CHMP3: variants seen among roughly 807,000 people sequenced by gnomAD.
CHMP3 encodes 25.1 protein.
Under a neutral mutation model 27.4 loss-of-function variants are expected in CHMP3, and 8 were observed. That is an observed-to-expected ratio of 0.29 (90% CI 0.17 to 0.53). The LOEUF is 0.53. CHMP3 is among the 20% of genes least tolerant of loss of function. The pLI is 0.96. For missense variants in CHMP3, 208 were observed against 271.5 expected (o/e 0.77, Z 1.64); for synonymous variants, 86 against 85.5 (o/e 1.01, Z -0.03).
intron 1 of CHMP3, among the ~76,000 whole-genome samples, chr2:86,553,094 T>A (rs1676974426): frequency 6.6e-6 from 1 of 151,486 alleles, no homozygotes; most frequent in South Asian, 2.1e-4. Context: ...ATACTGGGCT[T>A]AATACCTAGG....
intron 2 of CHMP3, among the ~76,000 whole-genome samples, chr2:86,529,994 C>CT (rs999808959): frequency 3.9e-4 from 58 of 149,168 alleles, no homozygotes; most frequent in East Asian, 1.4e-3. Flanking sequence ...ACCCCGAACT[C>CT]TTTTTTTTTT....
At position 86,544,920 on chromosome 2, in the gene CHMP3, G is replaced by A. The variant is rs560373637; in HGVS notation, c.46-2608C>T. On this transcript the variant is annotated intron_variant, in intron 1 of 5. Transcript: ENST00000263856. ...CAGAGGCGCTCCTCACTTCCCAGAC[G>A]GGGCAGCCGGGCAGAGACGCTCACT... Among the ~76,000 whole-genome samples, 6 of 147,800 alleles carry A rather than the reference G, an allele frequency of 4.1e-5. No individual in the cohort carries two copies. In the East Asian group the frequency reaches 1.0e-3, roughly 25 times the overall value.
intron 2 of CHMP3, among the ~76,000 whole-genome samples, chr2:86,535,255 CAAAA>C (rs574431905): frequency 6.5e-5 from 4 of 61,650 alleles, no homozygotes. Context: ...ACCCTATCTC[CAAAA>C]AAAAAAAAAA....
intron 3 of CHMP3, among the ~76,000 whole-genome samples, chr2:86,520,376 CAG>C (rs371645454): frequency 1.3e-3 from 188 of 148,208 alleles, no homozygotes; most frequent in Non-Finnish European, 1.3e-3. Flanking sequence ...CGGCAGGAGA[CAG>C]AGAGAGAGAG....
rs776583530 is a variant in CHMP3 at position 86,563,379 on chromosome 2, CTT to C, written c.-33_-32del. The C allele has an allele frequency of 2.5e-6, 4 of 1,610,858 alleles. No homozygotes were observed. The East Asian group carries it at 8.9e-5, about 36-fold the overall frequency. ...ACTGAACCCGTCTTGCCCCTTCCGG[CTT>C]TCAGTTCCCCGCGCCCAGGCAGGTC... On this transcript the variant is annotated 5_prime_UTR_variant, in exon 1 of 6. Transcript: ENST00000263856.
intron 1 of CHMP3, among the ~76,000 whole-genome samples, chr2:86,544,857 G>A (rs1490645142): frequency 1.2e-4 from 18 of 152,218 alleles, no homozygotes; most frequent in Admixed American, 6.5e-4. Flanking sequence ...CTGTCTCTTC[G>A]GAGCTGTTGG....
At position 86,507,606 on chromosome 2, in the gene CHMP3, A is replaced by AAT. The variant is rs1674936829; in HGVS notation, c.409-15_409-14dup. 6.2e-7 allele frequency: 1 copy of AAT among 1,609,340 alleles called. No homozygotes were observed. Among genetic ancestry groups the AAT allele is most frequent in the Non-Finnish European group, 8.5e-7 (1 of 1,175,738 alleles). On this transcript the variant is annotated splice_polypyrimidine_tract_variant and intron_variant, in intron 4 of 5. Coordinates refer to ENST00000263856, the MANE Select transcript of CHMP3 (RefSeq NM_016079.4). Reference sequence around the variant, plus strand: ...CTATGATCCCAGCCTAAACAGAATAAATATGTCACTTCGGTCAACTGTTAA... The same window carrying AAT: ...CTATGATCCCAGCCTAAACAGAATAAATATATGTCACTTCGGTCAACTGTTAA...
chr2:86,514,799 TTTAATTAAAATG>T (rs1387896722), intron 3 of CHMP3, among the ~76,000 whole-genome samples: 2 of 152,194 alleles, frequency 1.3e-5, no homozygotes, highest in East Asian at 1.9e-4. Flanking sequence ...TCGTTATATA[TTTAATTAAAATG>T]TTAATTAAAA....
At chr2:86,533,562 G>A (rs1676007057) in intron 2 of CHMP3, among the ~76,000 whole-genome samples, 1 of 151,976 alleles carries the variant, frequency 6.6e-6, no homozygotes, top group African/African-American at 2.4e-5. Context: ...GGAGTGCAAG[G>A]TTGGTCACCA....
At chr2:86,552,313 G>C (rs1165541379) in intron 1 of CHMP3, among the ~76,000 whole-genome samples, 3 of 152,166 alleles carry the variant, frequency 2.0e-5, no homozygotes, top group Admixed American at 2.0e-4. Flanking sequence ...ATTAAATAAA[G>C]AGCATTAAGC....
intron 5 of CHMP3, 24 bp from the exon 6 acceptor site, chr2:86,505,973 A>C (rs776153400): frequency 6.5e-7 from 1 of 1,530,562 alleles, no homozygotes; most frequent in Non-Finnish European, 8.8e-7. Context: ...GCAAAGATGA[A>C]CACCACATTG....
intron 4 of CHMP3, among the ~76,000 whole-genome samples, chr2:86,508,188 T>C (rs1335992758): frequency 6.6e-6 from 1 of 152,154 alleles, no homozygotes; most frequent in African/African-American, 2.4e-5. Flanking sequence ...ACTTCTGGAC[T>C]CAACAAGGTA....
At chr2:86,541,562 CTCTG>C (rs1460551097) in intron 2 of CHMP3, among the ~76,000 whole-genome samples, 1 of 152,108 alleles carries the variant, frequency 6.6e-6, no homozygotes, top group Non-Finnish European at 1.5e-5. Flanking sequence ...TATTAAGACT[CTCTG>C]TCTTTGTTTC....
At chr2:86,540,109 G>A (rs1211882587) in intron 2 of CHMP3, among the ~76,000 whole-genome samples, 3 of 151,740 alleles carry the variant, frequency 2.0e-5, no homozygotes, top group Non-Finnish European at 4.4e-5. Context: ...CTTTTTGGGG[G>A]GTTATCTTTT....
chr2:86,563,012 G>A (rs533533022), intron 1 of CHMP3: 23 of 336,944 alleles, frequency 6.8e-5, no homozygotes, highest in Admixed American at 5.6e-4. Flanking sequence ...GCAGGGGGAA[G>A]AGGTTTCCGA....
intron 1 of CHMP3, among the ~76,000 whole-genome samples, chr2:86,554,840 T>TGTGTGTGTGC: frequency 7.0e-6 from 1 of 142,332 alleles, no homozygotes; most frequent in Non-Finnish European, 1.5e-5. Context: ...TGTGTGTGTG[T>TGTGTGTGTGC]GTGTGTAGAT....
At chr2:86,517,711 C>G (rs1271850076) in intron 3 of CHMP3, among the ~76,000 whole-genome samples, 1 of 151,706 alleles carries the variant, frequency 6.6e-6, no homozygotes, top group Non-Finnish European at 1.5e-5. Context: ...ATGGGAATTA[C>G]AGTTAAATTT....
chr2:86,514,149 TGAGAAAG>T (rs1471791022), intron 3 of CHMP3, among the ~76,000 whole-genome samples: 2 of 152,210 alleles, frequency 1.3e-5, no homozygotes, highest in Non-Finnish European at 2.9e-5. Flanking sequence ...CTCCTGACTC[TGAGAAAG>T]CACTGATGGA....
chr2:86,554,942 G>A (rs968928829), intron 1 of CHMP3, among the ~76,000 whole-genome samples: 1 of 150,982 alleles, frequency 6.6e-6, no homozygotes, highest in Non-Finnish European at 1.5e-5. Context: ...TGCCTCCTGT[G>A]TTCAAGCAAT....
Sources: allele counts gnomAD v4.1 joint callset (sites outside exome capture counted in the v4.1 genomes callset), GRCh38; gene constraint gnomAD v4.1.1; transcripts MANE v1.5; gene names NCBI Gene and HGNC (gene_info 2026-07-23, HGNC 2026-07-21).